DHDDS: variants seen among roughly 807,000 people sequenced by gnomAD.
The protein encoded by DHDDS is dehydrodolichyl diphosphate synthase subunit.
DHDDS carries 16 observed loss-of-function variants against 46.2 expected under a neutral mutation model. The ratio of observed to expected loss-of-function variants is 0.35; its 90% CI spans 0.23 to 0.53. The LOEUF (loss-of-function observed/expected upper bound fraction) is 0.53, where lower values mean the gene tolerates loss of function less well. Ranked by LOEUF, DHDDS falls within the 20% of genes least tolerant of loss-of-function variation. The pLI, the probability that DHDDS is intolerant of heterozygous loss-of-function variation, is 0.94. For missense variants in DHDDS, 340 were observed against 423.7 expected (o/e 0.80, Z 1.73); for synonymous variants, 151 against 163.1 (o/e 0.93, Z 0.56).
chr1:26,466,008 T>A (rs1357329672), intron 8 of DHDDS, among the ~76,000 whole-genome samples: 1 of 152,162 alleles, frequency 6.6e-6, no homozygotes, highest in Admixed American at 6.5e-5. Context: ...ATTTAAGTAC[T>A]GGAGGGACTA....
intron 5 of DHDDS, 115 bp from the exon 6 acceptor site, chr1:26,447,443 AT>A: frequency 1.2e-6 from 1 of 823,486 alleles, no homozygotes; most frequent in South Asian, 1.4e-5. Context: ...CACAATTAAC[AT>A]TTGATGTGTA....
intron 6 of DHDDS, among the ~76,000 whole-genome samples, chr1:26,449,130 C>T (rs553836416): frequency 1.3e-5 from 2 of 151,818 alleles, no homozygotes; most frequent in South Asian, 2.1e-4. Flanking sequence ...GATGGAGTCT[C>T]GCTCTGTCTC....
Position 26,469,001 on chromosome 1 carries a change from A to C in DHDDS, c.872A>C (p.Asp291Ala). 6.2e-7 allele frequency: 1 copy of C among 1,613,990 alleles called. No homozygotes were observed. The highest frequency in any genetic ancestry group is 2.2e-5 in the East Asian group (1 of 44,888). The change falls in exon 9 of 9, where the codon GAC becomes GCC. Residue 291 changes from aspartate (D) to alanine (A), a missense_variant. Asp to Ala is a moderately radical substitution (Grantham distance 126). This residue lies in a region of DHDDS where 268 missense variants were observed against 300.3 expected (regional missense o/e 0.89). Transcript: ENST00000236342. ...LLREGLQASG[D>A]AQLRRTRLHK... is the part of the protein sequence containing the mutation. ...CGAGAGGGGCTCCAAGCCAGTGGGG[A>C]CGCCCAGCTCCGAAGGACACGCTTG...
At chr1:26,454,882 A>AGCATTACT (rs1223630238) in intron 6 of DHDDS, 1 of 1,594,620 alleles carries the variant, frequency 6.3e-7, no homozygotes, top group Non-Finnish European at 8.5e-7. Context: ...CCTTAAGTTC[A>AGCATTACT]GCATTACTCT....
intron 8 of DHDDS, 65 bp downstream of exon 8, chr1:26,460,209 A>C (rs577731456): frequency 7.8e-7 from 1 of 1,290,058 alleles, no homozygotes; most frequent in African/African-American, 1.5e-5. Flanking sequence ...ATTGATTGAC[A>C]ACCACCTTAC....
chr1:26,460,574 A>C (rs998398825), intron 8 of DHDDS, among the ~76,000 whole-genome samples: 1 of 152,210 alleles, frequency 6.6e-6, no homozygotes, highest in African/African-American at 2.4e-5. Context: ...ACTAAATAGC[A>C]TTGTCTTTCC....
rs763763588 is a variant in DHDDS at position 26,460,085 on chromosome 1, A to T, written c.706A>T (p.Thr236Ser). Reference sequence around the variant, plus strand: ...CCAACCCGTTCTGTGGCCAGAGTATACATTTTGGAACCTCTTCGAGGCCAT... The same window carrying T: ...CCAACCCGTTCTGTGGCCAGAGTATTCATTTTGGAACCTCTTCGAGGCCAT... Reference protein sequence around the residue: ...VFQPVLWPEYTFWNLFEAILQ... With the variant: ...VFQPVLWPEYSFWNLFEAILQ... The change falls in exon 8 of 9, where the codon ACA (threonine) becomes TCA (serine). Residue 236 changes from threonine (T) to serine (S), a missense_variant. Around this residue, in one of 2 missense-constraint regions of DHDDS, gnomAD observed 268 missense variants for 300.3 expected, o/e 0.89. Transcript: ENST00000236342. 1.7e-5 allele frequency: 27 copies of T among 1,614,070 alleles called. No homozygotes were observed. The highest frequency in any genetic ancestry group is 2.7e-5 in the African/African-American group (2 of 74,926).
At chr1:26,467,382 A>G (rs751281909) in intron 8 of DHDDS, 1 of 470,574 alleles carries the variant, frequency 2.1e-6, no homozygotes, top group South Asian at 1.5e-5. Context: ...CGAAGTCCTC[A>G]TAGCTCCACA....
At chr1:26,451,367 ACTC>A (rs1441515735) in intron 6 of DHDDS, among the ~76,000 whole-genome samples, 1 of 135,236 alleles carries the variant, frequency 7.4e-6, no homozygotes, top group African/African-American at 2.8e-5. Context: ...TCACCATCCA[ACTC>A]CTCATTTTTC....
At chr1:26,438,315 C>T in intron 3 of DHDDS, 31 bp downstream of exon 3, 2 of 1,591,154 alleles carry the variant, frequency 1.3e-6, no homozygotes, top group Middle Eastern at 1.7e-4. Context: ...CCAAAGTGAA[C>T]AGTCTGTGGA....
At position 26,447,821 on chromosome 1, in the gene DHDDS, CCT is replaced by C. The variant is rs1181017522; in HGVS notation, c.542+164_542+165del. ...CAGCCTGGCCAACATGGCAAAACTC[CCT>C]CTTTTCAACAACAACAACAAAAAAG... On this transcript the variant is annotated intron_variant, in intron 6 of 8. Coordinates refer to ENST00000236342, the MANE Select transcript of DHDDS (RefSeq NM_205861.3). 3.6e-5 allele frequency: 25 copies of C among 694,970 alleles called. No homozygotes were observed. In the Admixed American group the frequency reaches 5.2e-4, roughly 15 times the overall value. The allele number at this position is 694,970 out of a possible 1,614,324, so 43.1% of individuals were successfully genotyped here. A position where few individuals can be genotyped will look rare whatever the true frequency, so the allele number is the denominator to read the frequency against.
At chr1:26,433,692 AAAG>A (rs2075125803) in intron 2 of DHDDS, among the ~76,000 whole-genome samples, 1 of 151,690 alleles carries the variant, frequency 6.6e-6, no homozygotes, top group Admixed American at 6.6e-5. Context: ...AAAAAAAAAA[AAAG>A]AGTTTGGGCT....
chr1:26,452,600 A>G (rs542677197), intron 6 of DHDDS, among the ~76,000 whole-genome samples: 2 of 152,312 alleles, frequency 1.3e-5, no homozygotes, highest in South Asian at 4.1e-4. Context: ...TTATCCTTAG[A>G]CCCTATAAGG....
chr1:26,446,150 T>C (rs1445163836), intron 4 of DHDDS, among the ~76,000 whole-genome samples, 166 bp from the exon 5 acceptor site: 1 of 152,212 alleles, frequency 6.6e-6, no homozygotes, highest in Non-Finnish European at 1.5e-5. Context: ...CTGAAGTAAG[T>C]TTCTTTCAGA....
intron 3 of DHDDS, among the ~76,000 whole-genome samples, chr1:26,439,112 G>T (rs560750130): frequency 1.4e-3 from 215 of 152,228 alleles, no homozygotes; most frequent in African/African-American, 4.9e-3. Flanking sequence ...TGTATTTTTA[G>T]TAGAGATGGG....
Position 26,440,830 on chromosome 1 carries a change from C to T in DHDDS, c.181-1901C>T, listed in dbSNP as rs759470659. ...CTTCTGTTGTCTACGTTTAACCTCC[C>T]GCTCTCCATCTCTCAACATTGTCCT... On this transcript the variant is annotated intron_variant, in intron 3 of 8. Coordinates refer to ENST00000236342, the MANE Select transcript of DHDDS (RefSeq NM_205861.3). 1.1e-4 allele frequency among the ~76,000 whole-genome samples: 17 copies of T among 152,134 alleles called. No individual in the cohort carries two copies. In the South Asian group the frequency reaches 1.2e-3, roughly 11 times the overall value.
In DHDDS at chr1:26,469,692, ACCCTCT is replaced by A; in HGVS notation, c.*565_*570del. On this transcript the variant is annotated 3_prime_UTR_variant, in exon 9 of 9. Coordinates refer to ENST00000236342, the MANE Select transcript of DHDDS (RefSeq NM_205861.3). The stretch of plus-strand genomic sequence containing the variant: ...ACCTGGGATTTGCTATTGAATCTCT[ACCCTCT>A]CCCACCACACAGTACTGATTGCTCA... 4.6e-6 allele frequency: 1 copy of A among 215,690 alleles called. No individual in the cohort carries two copies. The highest frequency in any genetic ancestry group is 9.6e-6 in the Non-Finnish European group (1 of 104,412). 13.4% of individuals were successfully genotyped at this position (215,690 alleles called of 1,614,324 possible).
intron 4 of DHDDS, among the ~76,000 whole-genome samples, chr1:26,444,009 CA>C (rs1054854227): frequency 3.3e-5 from 5 of 152,190 alleles, no homozygotes; most frequent in Non-Finnish European, 5.9e-5. Context: ...ACACAGCTAT[CA>C]GACAGGCAGA....
chr1:26,438,953 G>C (rs1039736290), intron 3 of DHDDS, among the ~76,000 whole-genome samples: 2 of 152,192 alleles, frequency 1.3e-5, no homozygotes, highest in East Asian at 3.9e-4. Flanking sequence ...TTATTTGTTT[G>C]AGACAGTCTC....
Sources: gnomAD v4.1 joint callset for allele counts (sites outside exome capture counted in the v4.1 genomes callset) on GRCh38, gnomAD v4.1.1 for gene constraint, gnomAD v4.1.1 regional missense constraint, MANE v1.5 for transcripts, NCBI Gene and HGNC (gene_info 2026-07-23, HGNC 2026-07-21) for gene names.